The following RNASEH2B variants were observed in gnomAD, a reference collection of about 807,000 sequenced individuals.
RNASEH2B encodes Aicardi-Goutieres syndrome 2 protein.
RNASEH2B carries 36 observed loss-of-function variants against 45.0 expected under a neutral mutation model. The observed-to-expected ratio is 0.80, with a 90% CI of 0.61 to 1.06. The LOEUF (loss-of-function observed/expected upper bound fraction) is 1.06, where lower values mean the gene tolerates loss of function less well. Ranked by LOEUF, RNASEH2B falls within the 50% of genes least tolerant of loss-of-function variation. The pLI is 0.00. For missense variants in RNASEH2B, 361 were observed against 360.3 expected (o/e 1.00, Z -0.02); for synonymous variants, 119 against 125.7 (o/e 0.95, Z 0.35).
At chr13:50,942,554 A>G (rs927581047) in intron 5 of RNASEH2B, 2 of 151,980 alleles carry the variant, frequency 1.3e-5, no homozygotes, top group Non-Finnish European at 2.9e-5. Flanking sequence ...TTTTTATTTT[A>G]AGAAAAAAAG....
intron 5 of RNASEH2B, chr13:50,938,409 A>C (rs1353863476): frequency 6.7e-6 from 1 of 150,328 alleles, no homozygotes; most frequent in African/African-American, 2.4e-5. Flanking sequence ...AGCCAGCTCC[A>C]TTTTTTTTTC....
intron 5 of RNASEH2B, among the ~76,000 whole-genome samples, chr13:50,940,280 G>C (rs1354037861): frequency 6.6e-6 from 1 of 152,106 alleles, no homozygotes; most frequent in Admixed American, 6.5e-5. Context: ...ACTACATAAG[G>C]GTTCCAGGGA....
intron 5 of RNASEH2B, chr13:50,941,940 C>T (rs1053924825): frequency 1.3e-5 from 2 of 152,426 alleles, no homozygotes; most frequent in African/African-American, 4.8e-5. Context: ...TAGGCTGAAA[C>T]AGAGAGGAAA....
chr13:50,968,237 A>T lies in RNASEH2B; in HGVS notation c.742-1695A>T, dbSNP rs538970170. ...ACATAGCAAGACTGTTTCTACAAAA[A>T]AAAAAATAAAAAATTAGCCAGGTGT... is the stretch of plus-strand genomic sequence containing the variant. On this transcript the variant is annotated intron_variant, in intron 9 of 9. Coordinates refer to the RNASEH2B transcript ENST00000422660. Among the ~76,000 whole-genome samples the T allele has an allele frequency of 1.6e-4, 25 of 152,176 alleles. No homozygotes were observed. In the East Asian group the frequency reaches 2.3e-3, roughly 14 times the overall value.
intron 6 of RNASEH2B, 76 bp from the exon 7 acceptor site, chr13:50,945,351 A>T (rs1951886397): frequency 1.0e-6 from 1 of 973,768 alleles, no homozygotes; most frequent in South Asian, 1.3e-5. Flanking sequence ...AATGGTCTGA[A>T]GGCCACCTAT....
At chr13:50,970,053 G>A in exon 10 of RNASEH2B, 1 of 1,305,402 alleles carries the variant, frequency 7.7e-7, no homozygotes, top group Non-Finnish European at 1.1e-6. Flanking sequence ...GCACTTTTTT[G>A]GAAAATCGCC....
chr13:50,935,334 A>G (rs893774058), intron 5 of RNASEH2B: 3 of 341,994 alleles, frequency 8.8e-6, no homozygotes, highest in African/African-American at 6.3e-5. Context: ...AAATTACGTA[A>G]AACCTGTACC....
At chr13:50,955,992 G>A in intron 10 of RNASEH2B, 1 of 207,270 alleles carries the variant, frequency 4.8e-6, no homozygotes, top group Non-Finnish European at 9.9e-6. Context: ...TATTCATCAT[G>A]TGGTAATACA....
At chr13:50,911,353 C>T (rs1267699021) in intron 1 of RNASEH2B, 3 of 152,182 alleles carry the variant, frequency 2.0e-5, no homozygotes, top group African/African-American at 4.8e-5. Flanking sequence ...TTCATTGCTG[C>T]TTCTGTTTAA....
intron 9 of RNASEH2B, among the ~76,000 whole-genome samples, chr13:50,969,522 CAA>C (rs3042194): frequency 1.2e-4 from 12 of 100,544 alleles, no homozygotes; most frequent in African/African-American, 2.3e-4. Context: ...ACTGCCTCTA[CAA>C]AAAAAAAAAA....
At chr13:50,926,061 T>C (rs1951590437) in intron 1 of RNASEH2B, among the ~76,000 whole-genome samples, 1 of 151,824 alleles carries the variant, frequency 6.6e-6, no homozygotes, top group South Asian at 2.1e-4. Flanking sequence ...TTCATATATT[T>C]TGTCTGGTGT....
intron 9 of RNASEH2B, chr13:50,969,902 A>T: frequency 6.5e-7 from 1 of 1,549,956 alleles, no homozygotes; most frequent in Non-Finnish European, 8.7e-7. Context: ...CCTCACCAGG[A>T]CACACCACAT....
chr13:50,958,273 T>TAAATTA, downstream of RNASEH2B, among the ~76,000 whole-genome samples: 1 of 152,200 alleles, frequency 6.6e-6, no homozygotes. Flanking sequence ...TTGTATATGG[T>TAAATTA]GATAGGTAGG....
At chr13:50,919,664 G>A (rs943152698) in intron 1 of RNASEH2B, among the ~76,000 whole-genome samples, 4 of 152,142 alleles carry the variant, frequency 2.6e-5, no homozygotes, top group Admixed American at 2.6e-4. Flanking sequence ...TAAGTTAAGA[G>A]GTATGGGACT....
intron 2 of RNASEH2B, chr13:50,928,567 A>G (rs191254831): frequency 6.6e-6 from 1 of 152,378 alleles, no homozygotes; most frequent in East Asian, 1.9e-4. Context: ...GCTCATAGAC[A>G]ACAGAGGAAC....
intron 9 of RNASEH2B, among the ~76,000 whole-genome samples, chr13:50,969,267 C>G (rs1270421191): frequency 1.3e-5 from 2 of 152,068 alleles, no homozygotes; most frequent in Non-Finnish European, 2.9e-5. Context: ...TTGCTTCCTT[C>G]TCATCCACAT....
chr13:50,943,955 G>C (rs1410924080), intron 6 of RNASEH2B, among the ~76,000 whole-genome samples: 2 of 149,884 alleles, frequency 1.3e-5, no homozygotes, highest in Middle Eastern at 3.4e-3. Flanking sequence ...GTAACAACCA[G>C]TATTTCTCTT....
At chr13:50,969,522 CAAAA>C (rs3042194) in intron 9 of RNASEH2B, among the ~76,000 whole-genome samples, 16 of 100,558 alleles carry the variant, frequency 1.6e-4, no homozygotes, top group East Asian at 1.1e-3. Flanking sequence ...ACTGCCTCTA[CAAAA>C]AAAAAAAAAA....
intron 7 of RNASEH2B, among the ~76,000 whole-genome samples, chr13:50,946,960 T>C (rs1951908256): frequency 6.6e-6 from 1 of 152,204 alleles, no homozygotes; most frequent in African/African-American, 2.4e-5. Context: ...AAATGATAAC[T>C]TTCAGTTCTC....
Sources: allele counts gnomAD v4.1 joint callset (sites outside exome capture counted in the v4.1 genomes callset), GRCh38; gene constraint gnomAD v4.1.1; transcripts MANE v1.5; gene names NCBI Gene and HGNC (gene_info 2026-07-23, HGNC 2026-07-21).